DLG2: variants seen among roughly 807,000 people sequenced by gnomAD.
DLG2 encodes disks large homolog 2.
Under a neutral mutation model 132.5 loss-of-function variants are expected in DLG2, and 45 were observed. The ratio of observed to expected loss-of-function variants is 0.34; its 90% confidence interval spans 0.27 to 0.44. The LOEUF is 0.44. Ranked by LOEUF, DLG2 falls within the 20% of genes least tolerant of loss-of-function variation. The pLI, the probability that DLG2 is intolerant of heterozygous loss-of-function variation, is 1.00. For synonymous variants in DLG2, 424 were observed against 419.6 expected (o/e 1.01, Z -0.13); for missense variants, 1,045 against 1,196.9 (o/e 0.87, Z 1.87).
At chr11:85,159,629 A>G (rs979897457) in intron 4 of DLG2, among the ~76,000 whole-genome samples, 1 of 152,184 alleles carries the variant, frequency 6.6e-6, no homozygotes, top group Admixed American at 6.5e-5. Flanking sequence ...GGTGACTCCA[A>G]TTGCAGCTGC....
chr11:84,552,904 G>C (rs567118464), intron 6 of DLG2, among the ~76,000 whole-genome samples: 1 of 152,110 alleles, frequency 6.6e-6, no homozygotes, highest in Admixed American at 6.6e-5. Flanking sequence ...TAAAACGCAC[G>C]CACTTTGATG....
At chr11:84,366,021 C>T (rs1227661385) in intron 7 of DLG2, among the ~76,000 whole-genome samples, 1 of 151,814 alleles carries the variant, frequency 6.6e-6, no homozygotes, top group Non-Finnish European at 1.5e-5. Flanking sequence ...TCAGATTCAC[C>T]AAAGTTGAAA....
At chr11:84,696,810 C>T (rs189284732) in intron 6 of DLG2, among the ~76,000 whole-genome samples, 279 of 151,528 alleles carry the variant, frequency 1.8e-3, no homozygotes, top group African/African-American at 5.8e-3. Context: ...AATTTGAGAC[C>T]TCTTACCAAA....
chr11:84,190,443 CT>C (rs1489474679), intron 8 of DLG2, among the ~76,000 whole-genome samples: 1 of 152,126 alleles, frequency 6.6e-6, no homozygotes, highest in Non-Finnish European at 1.5e-5. Context: ...ATTACTGGGT[CT>C]TTTTCCCCCT....
intron 21 of DLG2, among the ~76,000 whole-genome samples, chr11:83,507,721 A>G (rs1490174070): frequency 1.4e-5 from 2 of 141,260 alleles, no homozygotes; most frequent in Non-Finnish European, 3.1e-5. Context: ...CAGGGATGCG[A>G]TATTGTTTTT....
chr11:83,716,950 A>T (rs1379788016), intron 18 of DLG2, among the ~76,000 whole-genome samples: 2 of 152,186 alleles, frequency 1.3e-5, no homozygotes, highest in South Asian at 4.2e-4. Context: ...AAATGCTCTA[A>T]CAACCATACT....
intron 8 of DLG2, among the ~76,000 whole-genome samples, chr11:84,250,065 G>A (rs899696727): frequency 6.6e-6 from 1 of 152,166 alleles, no homozygotes; most frequent in African/African-American, 2.4e-5. Context: ...GGTATTTGAG[G>A]TAACATCTCT....
At chr11:85,475,677 T>A (rs2093119469) in intron 3 of DLG2, among the ~76,000 whole-genome samples, 2 of 152,182 alleles carry the variant, frequency 1.3e-5, no homozygotes, top group South Asian at 4.1e-4. Flanking sequence ...TAAATTTATT[T>A]ATTCTTTACA....
intron 6 of DLG2, among the ~76,000 whole-genome samples, chr11:84,725,567 G>A (rs559368554): frequency 6.6e-6 from 1 of 152,066 alleles, no homozygotes; most frequent in Middle Eastern, 3.2e-3. Context: ...CAAACCAGTT[G>A]ACTAGGTTAC....
At chr11:84,633,323 T>G (rs1655021721) in intron 6 of DLG2, among the ~76,000 whole-genome samples, 2 of 152,264 alleles carry the variant, frequency 1.3e-5, no homozygotes, top group South Asian at 2.1e-4. Context: ...TCAGCCACAC[T>G]TAACTACCAG....
At chr11:84,878,007 A>G (rs1345157595) in intron 6 of DLG2, among the ~76,000 whole-genome samples, 1 of 152,212 alleles carries the variant, frequency 6.6e-6, no homozygotes, top group Non-Finnish European at 1.5e-5. Flanking sequence ...TCAAAACACA[A>G]TGAGATACCA....
At chr11:84,784,366 A>AAATAAATT (rs1555220726) in intron 6 of DLG2, among the ~76,000 whole-genome samples, 125 of 147,462 alleles carry the variant, frequency 8.5e-4, no homozygotes, top group African/African-American at 1.6e-3. Flanking sequence ...ATAAATAAAT[A>AAATAAATT]AATTAAACAA....
At chr11:84,224,325 A>C (rs896551273) in intron 8 of DLG2, among the ~76,000 whole-genome samples, 1 of 152,100 alleles carries the variant, frequency 6.6e-6, no homozygotes, top group African/African-American at 2.4e-5. Flanking sequence ...CTTTTGTTAC[A>C]CTGAACCAGC....
At chr11:83,801,797 C>T (rs1290885421) in intron 17 of DLG2, among the ~76,000 whole-genome samples, 3 of 151,974 alleles carry the variant, frequency 2.0e-5, no homozygotes, top group Admixed American at 6.6e-5. Flanking sequence ...AAGTAGAGAC[C>T]TTGAGTGTCT....
At chr11:84,290,921 A>G (rs2097984625) in intron 7 of DLG2, among the ~76,000 whole-genome samples, 1 of 152,092 alleles carries the variant, frequency 6.6e-6, no homozygotes, top group Non-Finnish European at 1.5e-5. Flanking sequence ...CTGAAGTTTT[A>G]TTGTCTCATC....
rs188632824 is a variant in DLG2, at chr11:83,652,670, C to G, written c.1826-19345G>C. Among the ~76,000 whole-genome samples, 368 of 152,208 alleles carry G rather than the reference C, an allele frequency of 2.4e-3. 2 individuals carry two copies. Among genetic ancestry groups the G allele is most frequent in the African/African-American group, 8.4e-3 (349 of 41,520 alleles). On this transcript the variant is annotated intron_variant, in intron 18 of 27. Coordinates refer to ENST00000376104, the MANE Select transcript of DLG2 (RefSeq NM_001142699.3). The stretch of plus-strand genomic sequence containing the variant: ...TACGGGTGTGAGCCACTGCGCCTAG[C>G]CTAGATGTGTGTTTTTTAAGTGTGT...
intron 6 of DLG2, among the ~76,000 whole-genome samples, chr11:84,839,788 T>A (rs916036313): frequency 6.6e-6 from 1 of 152,182 alleles, no homozygotes; most frequent in Non-Finnish European, 1.5e-5. Context: ...GCTACCCATA[T>A]GTAGAAAGCT....
intron 16 of DLG2, among the ~76,000 whole-genome samples, chr11:83,870,367 GTCTT>G (rs1384288516): frequency 4.6e-5 from 7 of 152,144 alleles, no homozygotes; most frequent in African/African-American, 1.2e-4. Flanking sequence ...TGTGGCATTC[GTCTT>G]TCTGTTTCTG....
rs1297658360 is a variant in DLG2, at chr11:85,061,343, A to C, written c.357+50318T>G. On this transcript the variant is annotated intron_variant, in intron 6 of 27. Coordinates refer to ENST00000376104, the MANE Select transcript of DLG2 (RefSeq NM_001142699.3). Reference sequence around the variant, plus strand: ...TCTGCACTGGCATCTTTTTTTCTACAAATTATTTCAAGAATACATACACGA... The same window carrying C: ...TCTGCACTGGCATCTTTTTTTCTACCAATTATTTCAAGAATACATACACGA... 7.9e-5 allele frequency among the ~76,000 whole-genome samples: 12 copies of C among 151,810 alleles called. No homozygotes were observed. In the South Asian group the frequency reaches 2.3e-3, roughly 29 times the overall value.
Sources: allele counts gnomAD v4.1 joint callset (sites outside exome capture counted in the v4.1 genomes callset), GRCh38; gene constraint gnomAD v4.1.1; transcripts MANE v1.5; gene names NCBI Gene and HGNC (gene_info 2026-07-23, HGNC 2026-07-21).